GRIK4: variants seen among roughly 807,000 people sequenced by gnomAD.
GRIK4 encodes glutamate receptor ionotropic, kainate 4.
Under a neutral mutation model 104.9 loss-of-function variants are expected in GRIK4, and 40 were observed. The ratio of observed to expected loss-of-function variants is 0.38; its 90% CI spans 0.30 to 0.50. GRIK4 has a LOEUF of 0.50. Ranked by LOEUF, GRIK4 falls within the 20% of genes least tolerant of loss-of-function variation. The pLI is 0.93. For missense variants in GRIK4, 1,047 were observed against 1,308.1 expected, an observed-to-expected ratio of 0.80 and a Z score of 3.08; for synonymous variants, 485 against 524.9, an observed-to-expected ratio of 0.92 and a Z score of 1.04.
chr11:120,577,196 A>C (rs1292999731), intron 1 of GRIK4, among the ~76,000 whole-genome samples: 2 of 152,152 alleles, frequency 1.3e-5, no homozygotes, highest in African/African-American at 4.8e-5. Flanking sequence ...GCATATGTGG[A>C]GAGGCGGGGC....
At chr11:120,541,938 T>G (rs918971907) in intron 1 of GRIK4, among the ~76,000 whole-genome samples, 1 of 149,244 alleles carries the variant, frequency 6.7e-6, no homozygotes, top group African/African-American at 2.5e-5. Context: ...TCCAAAGGCA[T>G]TTGTTTTTAC....
intron 3 of GRIK4, among the ~76,000 whole-genome samples, chr11:120,783,584 C>G (rs539649617): frequency 6.6e-6 from 1 of 152,232 alleles, no homozygotes; most frequent in Admixed American, 6.5e-5. Context: ...TGGGTAATTG[C>G]GTGGGCTCCA....
At chr11:120,577,515 G>T (rs1948500932) in intron 1 of GRIK4, among the ~76,000 whole-genome samples, 1 of 152,122 alleles carries the variant, frequency 6.6e-6, no homozygotes, top group Non-Finnish European at 1.5e-5. Context: ...ATCTTCCAGG[G>T]CTAGGTGTCC....
intron 3 of GRIK4, among the ~76,000 whole-genome samples, chr11:120,717,460 G>A (rs1191605451): frequency 1.3e-5 from 2 of 152,168 alleles, no homozygotes; most frequent in East Asian, 3.9e-4. Context: ...ATTGGAGAAG[G>A]ATGGGCCCAC....
intron 3 of GRIK4, among the ~76,000 whole-genome samples, chr11:120,800,675 A>G (rs1565360358): frequency 6.6e-6 from 1 of 152,170 alleles, no homozygotes; most frequent in Non-Finnish European, 1.5e-5. Flanking sequence ...TTTATTATTC[A>G]ATGAAGTTAT....
At chr11:120,909,604 A>C (rs1212757031) in intron 13 of GRIK4, among the ~76,000 whole-genome samples, 3 of 152,206 alleles carry the variant, frequency 2.0e-5, no homozygotes, top group South Asian at 2.1e-4. Flanking sequence ...AGGGCTGCCC[A>C]ACAGTTTCCC....
rs1408684611 is a variant in GRIK4 at position 120,861,932 on chromosome 11, C to T, written c.745-27C>T. 6 of 1,593,082 alleles carry T rather than the reference C, an allele frequency of 3.8e-6. No individual in the cohort carries two copies. The Admixed American group carries it at 1.0e-4, about 27-fold the overall frequency. ...CACTTCACCCCTTCCTAACTACATT[C>T]TTATTTCTGATGCTGGGTCTTTCCA... On this transcript the variant is annotated intron_variant, in intron 8 of 20. Coordinates refer to ENST00000527524, the MANE Select transcript of GRIK4 (RefSeq NM_014619.5).
chr11:120,947,023 T>G (rs1943875918), intron 14 of GRIK4, among the ~76,000 whole-genome samples: 1 of 152,188 alleles, frequency 6.6e-6, no homozygotes, highest in Admixed American at 6.5e-5. Context: ...ATGGGAAAGT[T>G]TTATACTCTC....
At chr11:120,826,494 A>G (rs1953263607) in intron 6 of GRIK4, among the ~76,000 whole-genome samples, 2 of 152,228 alleles carry the variant, frequency 1.3e-5, no homozygotes. Flanking sequence ...TCAGTTGTGT[A>G]TGTGAAGGAA....
chr11:120,709,062 G>A (rs1458417118), intron 3 of GRIK4, among the ~76,000 whole-genome samples: 2 of 152,162 alleles, frequency 1.3e-5, no homozygotes, highest in Admixed American at 1.3e-4. Flanking sequence ...TGCCAGGTCA[G>A]GAGTCCGGAG....
chr11:120,787,674 G>A (rs1273409437), intron 3 of GRIK4, among the ~76,000 whole-genome samples: 1 of 151,246 alleles, frequency 6.6e-6, no homozygotes, highest in Non-Finnish European at 1.5e-5. Context: ...TGTTGGCCAG[G>A]CTGGTTTGGA....
intron 19 of GRIK4, among the ~76,000 whole-genome samples, chr11:120,979,889 G>A (rs1054741198): frequency 6.6e-6 from 1 of 152,154 alleles, no homozygotes; most frequent in Admixed American, 6.5e-5. Context: ...CTGGAGTGCT[G>A]GGGCACGATG....
chr11:120,738,691 C>T (rs1951270987), intron 3 of GRIK4, among the ~76,000 whole-genome samples: 1 of 152,228 alleles, frequency 6.6e-6, no homozygotes, highest in South Asian at 2.1e-4. Flanking sequence ...TTGCGGGCAA[C>T]AGCAGCCAAC....
At chr11:120,623,924 T>TTCC (rs199579484) in intron 1 of GRIK4, among the ~76,000 whole-genome samples, 4 of 147,360 alleles carry the variant, frequency 2.7e-5, no homozygotes, top group African/African-American at 7.4e-5. Flanking sequence ...GCCCTCCCCG[T>TTCC]TCCTCCTCCT....
chr11:120,779,978 T>G (rs1482450336), intron 3 of GRIK4, among the ~76,000 whole-genome samples: 1 of 152,216 alleles, frequency 6.6e-6, no homozygotes, highest in East Asian at 1.9e-4. Flanking sequence ...TTGTATTGGC[T>G]TAGGCAGCTC....
chr11:120,520,885 G>A (rs1261749962), intron 1 of GRIK4, among the ~76,000 whole-genome samples: 1 of 152,174 alleles, frequency 6.6e-6, no homozygotes, highest in African/African-American at 2.4e-5. Flanking sequence ...CCCTAGCATG[G>A]CTGATGATGG....
chr11:120,721,706 C>T (rs1950936384), intron 3 of GRIK4, among the ~76,000 whole-genome samples: 1 of 151,996 alleles, frequency 6.6e-6, no homozygotes, highest in South Asian at 2.1e-4. Context: ...GTGGGAGATT[C>T]AATAAAGGAA....
At chr11:120,810,355 A>G (rs1952805167) in intron 4 of GRIK4, among the ~76,000 whole-genome samples, 1 of 152,212 alleles carries the variant, frequency 6.6e-6, no homozygotes, top group Non-Finnish European at 1.5e-5. Context: ...CAACATCACC[A>G]GGCTGCTTGG....
chr11:120,895,647 G>A (rs1287921332), intron 11 of GRIK4, among the ~76,000 whole-genome samples: 1 of 152,170 alleles, frequency 6.6e-6, no homozygotes, highest in Non-Finnish European at 1.5e-5. Flanking sequence ...CACAGAATTA[G>A]GAGTCAGACA....
Sources: allele counts gnomAD v4.1 joint callset (sites outside exome capture counted in the v4.1 genomes callset), GRCh38; gene constraint gnomAD v4.1.1; transcripts MANE v1.5; gene names NCBI Gene and HGNC (gene_info 2026-07-23, HGNC 2026-07-21).